LCORL: variants seen among roughly 807,000 people sequenced by gnomAD.
The protein encoded by LCORL is ligand dependent nuclear receptor corepressor like.
Under a neutral mutation model 141.8 loss-of-function variants are expected in LCORL, and 41 were observed. The observed-to-expected ratio is 0.29, with a 90% confidence interval of 0.23 to 0.38. LCORL has a LOEUF of 0.38. Ranked by LOEUF, LCORL falls within the 10% of genes least tolerant of loss-of-function variation. The pLI is 1.00. For synonymous variants in LCORL, 618 were observed against 694.1 expected (o/e 0.89, Z 1.72); for missense variants, 1,759 against 2,035.0 (o/e 0.86, Z 2.61).
intron 1 of LCORL, among the ~76,000 whole-genome samples, chr4:17,977,402 A>G (rs570517459): frequency 2.0e-5 from 3 of 152,260 alleles, no homozygotes; most frequent in South Asian, 4.1e-4. Flanking sequence ...TCACATCCCA[A>G]TCACCACTTG....
At chr4:18,020,836 G>C (rs891527559) in intron 1 of LCORL, 5 of 151,488 alleles carry the variant, frequency 3.3e-5, no homozygotes, top group Admixed American at 3.3e-4. Flanking sequence ...GCAAGCAGAC[G>C]GGGGGGAGGG....
At chr4:17,853,446 G>A (rs1025340016) in intron 7 of LCORL, among the ~76,000 whole-genome samples, 2 of 152,106 alleles carry the variant, frequency 1.3e-5, no homozygotes, top group African/African-American at 4.8e-5. Context: ...CCTGAAAGAG[G>A]AGAATAATGT....
intron 6 of LCORL, among the ~76,000 whole-genome samples, chr4:17,879,378 G>GA (rs998907369): frequency 6.6e-6 from 1 of 150,576 alleles, no homozygotes; most frequent in Non-Finnish European, 1.5e-5. Context: ...AACTTTTCTG[G>GA]AAAAAAAGAT....
At chr4:17,844,132 ATATT>A (rs1210298662) in exon 8 of LCORL, 2 of 151,988 alleles carry the variant, frequency 1.3e-5, no homozygotes, top group Admixed American at 1.3e-4. Context: ...TAACAAAATA[ATATT>A]TATTTACTGT....
At chr4:17,923,851 C>T (rs1005902662) in intron 4 of LCORL, among the ~76,000 whole-genome samples, 7 of 152,054 alleles carry the variant, frequency 4.6e-5, no homozygotes, top group African/African-American at 1.7e-4. Flanking sequence ...AATAGATTTA[C>T]AAGGGCAGCA....
At chr4:18,000,126 C>CTT (rs11407271) in intron 1 of LCORL, among the ~76,000 whole-genome samples, 9,475 of 130,638 alleles carry the variant, frequency 0.073, 1,106 homozygotes, top group African/African-American at 0.24. Context: ...ATTTGTGGTT[C>CTT]TTTTTTTTTT....
At chr4:17,942,406 T>C (rs990834222) in intron 4 of LCORL, among the ~76,000 whole-genome samples, 3 of 152,172 alleles carry the variant, frequency 2.0e-5, no homozygotes, top group African/African-American at 7.2e-5. Context: ...ACTCATACTA[T>C]TGCTCTATTT....
At chr4:17,946,375 G>A (rs1362583982) in intron 4 of LCORL, among the ~76,000 whole-genome samples, 1 of 151,900 alleles carries the variant, frequency 6.6e-6, no homozygotes. Flanking sequence ...CATGTAATGT[G>A]TATAAACATG....
intron 4 of LCORL, among the ~76,000 whole-genome samples, chr4:17,917,226 G>C (rs1733591909): frequency 6.6e-6 from 1 of 151,458 alleles, no homozygotes; most frequent in Non-Finnish European, 1.5e-5. Flanking sequence ...TTGAGAAGGA[G>C]CCTCGTTCTG....
intron 4 of LCORL, among the ~76,000 whole-genome samples, chr4:17,921,026 T>C (rs1734210223): frequency 6.6e-6 from 1 of 152,188 alleles, no homozygotes. Context: ...CTTTTTTTAA[T>C]TTATTTTTTA....
At chr4:17,932,023 T>C (rs1736124809) in intron 4 of LCORL, among the ~76,000 whole-genome samples, 1 of 152,190 alleles carries the variant, frequency 6.6e-6, no homozygotes, top group African/African-American at 2.4e-5. Context: ...TTACGGTCTT[T>C]AACACTATGA....
At chr4:18,000,598 G>C (rs977086119) in intron 1 of LCORL, among the ~76,000 whole-genome samples, 1 of 143,310 alleles carries the variant, frequency 7.0e-6, no homozygotes, top group Non-Finnish European at 1.5e-5. Context: ...AAAAGTGAAC[G>C]AACTATATCT....
chr4:17,847,113 C>T lies in LCORL; in HGVS notation c.5603-1212G>A, dbSNP rs533485224. 4.5e-3 allele frequency among the ~76,000 whole-genome samples: 687 copies of T among 152,250 alleles called. 6 individuals are homozygous for T. The highest frequency in any genetic ancestry group is 0.024 in the South Asian group (114 of 4,820). On this transcript the variant is annotated intron_variant, in intron 7 of 7. Transcript: ENST00000635767. ...GCTAGTCCACTCTGTGTAATGAATA[C>T]GCCATCCCTAGTTTTAAATATTACT...
intron 4 of LCORL, among the ~76,000 whole-genome samples, chr4:17,925,878 CAA>C (rs71167343): frequency 2.1e-4 from 20 of 96,596 alleles, no homozygotes; most frequent in East Asian, 8.3e-4. Context: ...GATTCCATCT[CAA>C]AAAAAAAAAA....
intron 7 of LCORL, among the ~76,000 whole-genome samples, chr4:17,851,029 C>G (rs957808105): frequency 6.9e-6 from 1 of 145,394 alleles, no homozygotes; most frequent in Non-Finnish European, 1.5e-5. Context: ...ATCGCAAGAA[C>G]AAAAAACCAA....
chr4:17,874,810 G>A lies in LCORL; in HGVS notation c.4180C>T (p.Arg1394Trp), dbSNP rs895312292. Reference sequence around the variant, plus strand: ...TCTTCCAAACACTTTTTTGCATTCCGCGAAAGTCTGTTTCTTGGGGTATCT... The same window carrying A: ...TCTTCCAAACACTTTTTTGCATTCCACGAAAGTCTGTTTCTTGGGGTATCT... The change falls in exon 7 of 8, where the codon CGG becomes TGG. Residue 1394 changes from arginine to tryptophan, a missense_variant. By Grantham distance (101) the Arg-to-Trp change is moderately radical. Transcript: ENST00000635767. 15 of 1,233,524 alleles carry A rather than the reference G, an allele frequency of 1.2e-5. No homozygotes were observed. The South Asian group carries it at 1.2e-4, about 10-fold the overall frequency. The allele number at this position is 1,233,524 out of a possible 1,614,324, so 76.4% of individuals were successfully genotyped here. A position where few individuals can be genotyped will look rare whatever the true frequency, so the allele number is the denominator to read the frequency against.
intron 2 of LCORL, among the ~76,000 whole-genome samples, chr4:17,964,022 GAATA>G (rs2109614575): frequency 6.6e-6 from 1 of 152,094 alleles, no homozygotes; most frequent in South Asian, 2.1e-4. Flanking sequence ...AAATGCTAAT[GAATA>G]AATACTAGTT....
At chr4:17,892,277 C>T (rs1238940715) in intron 5 of LCORL, among the ~76,000 whole-genome samples, 4 of 147,710 alleles carry the variant, frequency 2.7e-5, no homozygotes, top group African/African-American at 5.0e-5. Context: ...GGCACAATCT[C>T]GGCTCACTGC....
chr4:17,857,843 A>G (rs79334166), intron 7 of LCORL, among the ~76,000 whole-genome samples: 18,966 of 152,306 alleles, frequency 0.12, 1,400 homozygotes, highest in South Asian at 0.29. Flanking sequence ...TGCTTAAGAC[A>G]TGAAAGAATC....
Sources: allele counts gnomAD v4.1 joint callset (sites outside exome capture counted in the v4.1 genomes callset), GRCh38; gene constraint gnomAD v4.1.1; transcripts MANE v1.5; gene names NCBI Gene and HGNC (gene_info 2026-07-23, HGNC 2026-07-21).